The following SNTG2 variants were observed in gnomAD, a reference collection of about 807,000 sequenced individuals.
SNTG2 encodes the protein gamma-2-syntrophin.
A neutral mutation model predicts 70.9 loss-of-function variants in SNTG2; 74 were observed. That is an observed-to-expected ratio of 1.04 (90% CI 0.86 to 1.27). The LOEUF (loss-of-function observed/expected upper bound fraction) is 1.27. SNTG2 is among the 50% of genes most tolerant of loss of function. SNTG2 has a pLI of 0.00. For missense variants in SNTG2, 717 were observed against 690.7 expected (o/e 1.04, Z -0.43); for synonymous variants, 278 against 273.8 (o/e 1.02, Z -0.15).
chr2:1,015,405 G>A (rs1055367623), intron 1 of SNTG2, among the ~76,000 whole-genome samples: 4 of 152,256 alleles, frequency 2.6e-5, no homozygotes, highest in African/African-American at 9.6e-5. Flanking sequence ...CATAAACCAA[G>A]TTAACTGACA....
At chr2:1,296,624 G>T (rs1307010969) in intron 14 of SNTG2, among the ~76,000 whole-genome samples, 1 of 152,196 alleles carries the variant, frequency 6.6e-6, no homozygotes, top group Non-Finnish European at 1.5e-5. Context: ...GGACCTCAAG[G>T]CATCTCCGTG....
chr2:1,041,313 C>A (rs1661422374), intron 1 of SNTG2, among the ~76,000 whole-genome samples: 1 of 152,158 alleles, frequency 6.6e-6, no homozygotes, highest in African/African-American at 2.4e-5. Flanking sequence ...TCAGGAAGAT[C>A]TTTATTTTAA....
chr2:1,270,027 C>T (rs1678937017), intron 14 of SNTG2, among the ~76,000 whole-genome samples: 1 of 152,122 alleles, frequency 6.6e-6, no homozygotes, highest in Admixed American at 6.5e-5. Context: ...AGTGGATGCC[C>T]TCAAAGAAGC....
chr2:1,348,552 T>G (rs1660419210), intron 16 of SNTG2, among the ~76,000 whole-genome samples: 2 of 152,166 alleles, frequency 1.3e-5, no homozygotes, highest in South Asian at 4.1e-4. Flanking sequence ...AACAAGAAAA[T>G]TTTTCAGTCT....
intron 10 of SNTG2, among the ~76,000 whole-genome samples, chr2:1,238,867 G>A (rs541407007): frequency 1.8e-3 from 267 of 152,226 alleles, no homozygotes; most frequent in Non-Finnish European, 3.1e-3. Flanking sequence ...AGATGCACCC[G>A]CCCTGCCCCT....
At chr2:1,077,547 C>T (rs751683224) in intron 1 of SNTG2, among the ~76,000 whole-genome samples, 7 of 152,156 alleles carry the variant, frequency 4.6e-5, no homozygotes, top group Non-Finnish European at 8.8e-5. Flanking sequence ...CCATGAACCC[C>T]GGGTCTGCGG....
intron 1 of SNTG2, among the ~76,000 whole-genome samples, chr2:969,086 A>G (rs1660658520): frequency 6.6e-6 from 1 of 152,218 alleles, no homozygotes; most frequent in African/African-American, 2.4e-5. Flanking sequence ...CCATATGGCA[A>G]GTCAGTTATC....
intron 4 of SNTG2, among the ~76,000 whole-genome samples, chr2:1,116,401 C>T (rs1214340097): frequency 1.3e-5 from 2 of 152,142 alleles, no homozygotes; most frequent in East Asian, 1.9e-4. Flanking sequence ...GGCCCTGGCT[C>T]ACGCAAAACT....
chr2:1,312,288 C>T (rs1046177210), intron 15 of SNTG2, among the ~76,000 whole-genome samples: 7 of 152,188 alleles, frequency 4.6e-5, no homozygotes, highest in Non-Finnish European at 7.3e-5. Flanking sequence ...CCCTGCCCCA[C>T]GCAGGCGGGT....
intron 1 of SNTG2, among the ~76,000 whole-genome samples, chr2:970,952 T>C (rs557080505): frequency 8.4e-4 from 128 of 152,114 alleles, no homozygotes; most frequent in South Asian, 2.7e-3. Context: ...CAGTGAGATA[T>C]CATCTCACAC....
intron 16 of SNTG2, among the ~76,000 whole-genome samples, chr2:1,329,100 T>C (rs1242658061): frequency 6.6e-6 from 1 of 152,214 alleles, no homozygotes; most frequent in Non-Finnish European, 1.5e-5. Flanking sequence ...TTTTCTTTTT[T>C]CTTTTTGGAA....
At chr2:1,275,944 T>C (rs769183406) in intron 14 of SNTG2, among the ~76,000 whole-genome samples, 4 of 152,210 alleles carry the variant, frequency 2.6e-5, no homozygotes, top group African/African-American at 4.8e-5. Context: ...ATCAACGTGC[T>C]GAATAAGAAC....
chr2:1,364,479 G>A (rs796438791), intron 16 of SNTG2, among the ~76,000 whole-genome samples: 11 of 151,942 alleles, frequency 7.2e-5, no homozygotes, highest in African/African-American at 1.2e-4. Flanking sequence ...AACCCTGGCC[G>A]GGCGCGGTGG....
chr2:1,174,745 C>T (rs910364684), intron 8 of SNTG2, among the ~76,000 whole-genome samples: 4 of 152,188 alleles, frequency 2.6e-5, no homozygotes, highest in Admixed American at 6.5e-5. Flanking sequence ...ATGGTTCTCT[C>T]TCTGGGGCTC....
At chr2:1,289,535 G>A (rs1475729719) in intron 14 of SNTG2, among the ~76,000 whole-genome samples, 2 of 152,274 alleles carry the variant, frequency 1.3e-5, no homozygotes, top group East Asian at 1.9e-4. Context: ...ACTGACATCC[G>A]TGTTTGCTTT....
chr2:1,188,861 TAATA>T (rs1230191437), intron 8 of SNTG2, among the ~76,000 whole-genome samples: 5 of 152,114 alleles, frequency 3.3e-5, no homozygotes, highest in Non-Finnish European at 4.4e-5. Context: ...TGGCAAATCT[TAATA>T]AATATATTTT....
intron 8 of SNTG2, among the ~76,000 whole-genome samples, chr2:1,203,556 G>C (rs1036837895): frequency 6.6e-6 from 1 of 151,558 alleles, no homozygotes; most frequent in Non-Finnish European, 1.5e-5. Flanking sequence ...CAGGAGGCTG[G>C]GGCACGAGAA....
At chr2:1,253,686 T>C (rs756308489) in intron 12 of SNTG2, among the ~76,000 whole-genome samples, 24 of 152,166 alleles carry the variant, frequency 1.6e-4, no homozygotes, top group Non-Finnish European at 2.9e-4. Context: ...TTCACATTGC[T>C]CTAAAGAAAT....
chr2:1,157,433 C>A (rs1408157490), intron 6 of SNTG2, among the ~76,000 whole-genome samples: 2 of 151,442 alleles, frequency 1.3e-5, no homozygotes, highest in East Asian at 1.9e-4. Context: ...CCCCCAGACA[C>A]TCACACGTGC....
Sources: gnomAD v4.1 joint callset for allele counts (sites outside exome capture counted in the v4.1 genomes callset) on GRCh38, gnomAD v4.1.1 for gene constraint, MANE v1.5 for transcripts, NCBI Gene and HGNC (gene_info 2026-07-23, HGNC 2026-07-21) for gene names.